The following KCNH5 variants were observed in gnomAD, a reference collection of about 807,000 sequenced individuals.
KCNH5 encodes the protein potassium voltage-gated channel subfamily H member 5.
A neutral mutation model predicts 96.1 loss-of-function variants in KCNH5; 46 were observed. That is an observed-to-expected ratio of 0.48 (90% CI 0.38 to 0.61). KCNH5 has a LOEUF of 0.61. Among genes scored for constraint, KCNH5 ranks in the 20% least tolerant of loss-of-function variants. KCNH5 has a pLI of 0.00. For missense variants in KCNH5, 907 were observed against 1,225.8 expected (o/e 0.74, Z 3.88); for synonymous variants, 439 against 449.8 (o/e 0.98, Z 0.30).
chr14:62,759,376 T>C (rs1885695830), intron 10 of KCNH5, among the ~76,000 whole-genome samples: 1 of 152,096 alleles, frequency 6.6e-6, no homozygotes, highest in Admixed American at 6.6e-5. Context: ...GCTTAGATAA[T>C]TTGAAATCCT....
intron 7 of KCNH5, among the ~76,000 whole-genome samples, chr14:62,932,864 T>A (rs1175017665): frequency 6.6e-6 from 1 of 152,192 alleles, no homozygotes; most frequent in African/African-American, 2.4e-5. Flanking sequence ...TTCTAACCTT[T>A]AAATCTCTAC....
chr14:62,714,136 A>AC (rs1274118944), intron 10 of KCNH5, among the ~76,000 whole-genome samples: 1 of 151,240 alleles, frequency 6.6e-6, no homozygotes. Context: ...ATTTAAAAAA[A>AC]AAAATAGATA....
intron 7 of KCNH5, among the ~76,000 whole-genome samples, chr14:62,876,835 C>T (rs1319101909): frequency 6.6e-6 from 1 of 152,014 alleles, no homozygotes; most frequent in Non-Finnish European, 1.5e-5. Context: ...GACAGTAGTC[C>T]ACAATAAATG....
At chr14:62,833,151 T>G (rs1397363133) in intron 8 of KCNH5, among the ~76,000 whole-genome samples, 2 of 152,010 alleles carry the variant, frequency 1.3e-5, no homozygotes, top group Non-Finnish European at 2.9e-5. Flanking sequence ...CTGTTTTTTT[T>G]GGTCCCCTCA....
At chr14:62,788,356 G>A (rs1886362568) in intron 9 of KCNH5, among the ~76,000 whole-genome samples, 1 of 152,126 alleles carries the variant, frequency 6.6e-6, no homozygotes, top group Non-Finnish European at 1.5e-5. Flanking sequence ...AAAACCAACA[G>A]GTGAGAAGTT....
intron 10 of KCNH5, among the ~76,000 whole-genome samples, chr14:62,736,640 C>A (rs1885163793): frequency 6.6e-6 from 1 of 152,122 alleles, no homozygotes; most frequent in Non-Finnish European, 1.5e-5. Context: ...ACATTCCAAC[C>A]CCACCGTAAA....
At chr14:63,044,613 C>CA (rs1402720971) in intron 1 of KCNH5, among the ~76,000 whole-genome samples, 17 of 152,300 alleles carry the variant, frequency 1.1e-4, no homozygotes, top group African/African-American at 3.6e-4. Flanking sequence ...CTCTCCCCGG[C>CA]ACAAAGCACC....
intron 9 of KCNH5, among the ~76,000 whole-genome samples, chr14:62,782,672 G>A (rs917808067): frequency 2.6e-5 from 4 of 152,072 alleles, no homozygotes; most frequent in African/African-American, 7.2e-5. Flanking sequence ...TTAGCCGGGC[G>A]TGGTGGTGGG....
chr14:62,774,455 C>G (rs1308905933), intron 10 of KCNH5, among the ~76,000 whole-genome samples: 1 of 152,160 alleles, frequency 6.6e-6, no homozygotes, highest in East Asian at 1.9e-4. Context: ...CAGGTTAACT[C>G]TTTTTTACAC....
intron 7 of KCNH5, among the ~76,000 whole-genome samples, chr14:62,940,866 C>T (rs936345959): frequency 9.2e-5 from 14 of 152,300 alleles, no homozygotes; most frequent in Admixed American, 7.8e-4. Flanking sequence ...GGAGATAATG[C>T]TTTGTGCTAA....
intron 4 of KCNH5, among the ~76,000 whole-genome samples, chr14:62,996,434 C>G (rs1890907110): frequency 6.6e-6 from 1 of 152,158 alleles, no homozygotes; most frequent in Admixed American, 6.5e-5. Context: ...TAATGCTTTT[C>G]ACAATGGGGT....
chr14:62,847,090 G>A (rs552796580), intron 8 of KCNH5, among the ~76,000 whole-genome samples: 34 of 148,048 alleles, frequency 2.3e-4, no homozygotes, highest in African/African-American at 7.8e-4. Flanking sequence ...GTGAGCCACC[G>A]CGCCCGGCCC....
At chr14:62,747,627 T>G (rs1321227940) in intron 10 of KCNH5, among the ~76,000 whole-genome samples, 2 of 152,222 alleles carry the variant, frequency 1.3e-5, no homozygotes, top group Non-Finnish European at 2.9e-5. Flanking sequence ...AATCAACTAA[T>G]GCTAATCTCA....
At chr14:62,749,616 G>C (rs1595605547) in intron 10 of KCNH5, among the ~76,000 whole-genome samples, 1 of 152,196 alleles carries the variant, frequency 6.6e-6, no homozygotes, top group African/African-American at 2.4e-5. Flanking sequence ...TCTGTAGCTT[G>C]AAAGTATCTA....
intron 8 of KCNH5, among the ~76,000 whole-genome samples, chr14:62,830,914 C>T (rs1887333516): frequency 6.6e-6 from 1 of 152,098 alleles, no homozygotes; most frequent in African/African-American, 2.4e-5. Flanking sequence ...TTATCTAAAA[C>T]ATTTCCTTAC....
At position 62,779,818 on chromosome 14, in the gene KCNH5, C is replaced by T. The variant is rs746011269; in HGVS notation, c.1929G>A (p.Arg643=). The change falls in exon 10 of 11, where the codon CGG becomes CGA. Residue 643 remains arginine, a synonymous_variant. Transcript: ENST00000322893. ...AGTCCAGGACTTTGAGCAAGGCTTC[C>T]CGCTTGATGATGTGTAGGTCACAGT... ...LTYCDLHIIK[R]EALLKVLDFY... The T allele has an allele frequency of 2.5e-6, 4 of 1,613,846 alleles. No homozygotes were observed. The African/African-American group carries it at 5.3e-5, about 22-fold the overall frequency.
chr14:63,024,641 C>T (rs979867283), intron 1 of KCNH5, among the ~76,000 whole-genome samples: 2 of 151,896 alleles, frequency 1.3e-5, no homozygotes, highest in Non-Finnish European at 2.9e-5. Context: ...CTATTATGAA[C>T]AATTAAAATC....
chr14:62,969,411 T>A (rs567031396), intron 6 of KCNH5, among the ~76,000 whole-genome samples: 11 of 152,092 alleles, frequency 7.2e-5, no homozygotes, highest in African/African-American at 2.4e-4. Flanking sequence ...CAGAAATAAA[T>A]GAAATTGAAA....
chr14:62,944,124 A>G (rs1889842029), intron 7 of KCNH5, among the ~76,000 whole-genome samples: 1 of 152,138 alleles, frequency 6.6e-6, no homozygotes, highest in African/African-American at 2.4e-5. Context: ...GCCCACATCC[A>G]ACTTAGCATT....
Sources: gnomAD v4.1 joint callset for allele counts (sites outside exome capture counted in the v4.1 genomes callset) on GRCh38, gnomAD v4.1.1 for gene constraint, MANE v1.5 for transcripts, NCBI Gene and HGNC (gene_info 2026-07-23, HGNC 2026-07-21) for gene names.